Variants in VDAC1 observed in about 807,000 individuals in gnomAD.
VDAC1 encodes non-selective voltage-gated ion channel VDAC1.
In VDAC1, 10 loss-of-function variants were observed where a neutral mutation model predicts 34.7. The ratio of observed to expected loss-of-function variants is 0.29; its 90% CI spans 0.18 to 0.49. VDAC1 has a LOEUF of 0.49. VDAC1 is among the 20% of genes least tolerant of loss of function. VDAC1 has a pLI of 0.99. For missense variants in VDAC1, 230 were observed against 347.9 expected, an observed-to-expected ratio of 0.66 and a Z score of 2.69; for synonymous variants, 130 against 136.0, an observed-to-expected ratio of 0.96 and a Z score of 0.30.
At position 133,993,033 on chromosome 5, in the gene VDAC1, T is replaced by G; in HGVS notation, c.-6-15A>C. ...GCCATCTTCTGCTATGATAAAAGAATCACCAGAATAAATGCATTGATAATT... is the reference window on the plus strand; with the variant it reads ...GCCATCTTCTGCTATGATAAAAGAAGCACCAGAATAAATGCATTGATAATT... On this transcript the variant is annotated splice_polypyrimidine_tract_variant and intron_variant, in intron 1 of 8. Transcript: ENST00000265333. The G allele has an allele frequency of 1.2e-6, 2 of 1,604,754 alleles. No individual in the cohort carries two copies. Among genetic ancestry groups the G allele is most frequent in the Non-Finnish European group, 1.7e-6 (2 of 1,175,778 alleles).
At chr5:133,992,883 A>G (rs1221918332) in intron 2 of VDAC1, 63 bp downstream of exon 2, 1 of 1,519,954 alleles carries the variant, frequency 6.6e-7, no homozygotes, top group Non-Finnish European at 9.0e-7. Context: ...AGTTATCGGT[A>G]AAGTCTCAAA....
chr5:134,089,270 A>C, the VDAC1 span, among the ~76,000 whole-genome samples: 1 of 152,248 alleles, frequency 6.6e-6, no homozygotes, highest in African/African-American at 2.4e-5. Flanking sequence ...ATGACTGATG[A>C]GGACAGTAAT....
At chr5:134,047,730 A>G in the VDAC1 span, among the ~76,000 whole-genome samples, 6 of 152,134 alleles carry the variant, frequency 3.9e-5, no homozygotes, top group African/African-American at 1.4e-4. Context: ...TGTTTGTGCA[A>G]TGTAGAGATG....
chr5:134,109,770 C>CAAAAAGAA, the VDAC1 span, among the ~76,000 whole-genome samples: 1 of 140,280 alleles, frequency 7.1e-6, no homozygotes, highest in African/African-American at 2.8e-5. Context: ...GGCTCCATCT[C>CAAAAAGAA]AAAAAAAAAA....
the VDAC1 span, among the ~76,000 whole-genome samples, chr5:134,023,480 T>TAAAAA: frequency 3.7e-5 from 5 of 135,260 alleles, 1 homozygote; most frequent in Non-Finnish European, 6.3e-5. Flanking sequence ...GAACTTAAAG[T>TAAAAA]AAAAAAAAAA....
the VDAC1 span, among the ~76,000 whole-genome samples, chr5:134,022,308 T>G: frequency 6.6e-6 from 1 of 152,234 alleles, no homozygotes; most frequent in Non-Finnish European, 1.5e-5. Flanking sequence ...CTTCATTCAT[T>G]TTGTCCTGCT....
chr5:133,984,635 C>G (rs1013568303), intron 5 of VDAC1, among the ~76,000 whole-genome samples: 1 of 152,098 alleles, frequency 6.6e-6, no homozygotes, highest in Non-Finnish European at 1.5e-5. Context: ...ATAGACAATC[C>G]CATAAAAGAA....
At chr5:134,000,780 T>C (rs937617921) in intron 1 of VDAC1, among the ~76,000 whole-genome samples, 1 of 152,168 alleles carries the variant, frequency 6.6e-6, no homozygotes, top group African/African-American at 2.4e-5. Context: ...GGCTGGCGCT[T>C]GGTAAGCAGG....
chr5:134,024,976 C>A, the VDAC1 span, among the ~76,000 whole-genome samples: 1 of 152,254 alleles, frequency 6.6e-6, no homozygotes, highest in Non-Finnish European at 1.5e-5. Flanking sequence ...AAGGCAGCCA[C>A]ATGCATGGCC....
rs1374643668 is a variant in VDAC1, at chr5:133,980,710, T to A, written c.551+19A>T. 16 of 437,934 alleles carry A rather than the reference T, an allele frequency of 3.7e-5. No homozygotes were observed. The highest frequency in any genetic ancestry group is 6.1e-5 in the East Asian group (1 of 16,322). 27.1% of individuals were successfully genotyped at this position (437,934 alleles called of 1,614,324 possible). A position where few individuals can be genotyped will look rare whatever the true frequency, so the allele number is the denominator to read the frequency against. On this transcript the variant is annotated intron_variant, in intron 6 of 8. Coordinates refer to ENST00000265333, the MANE Select transcript of VDAC1 (RefSeq NM_003374.3). The stretch of plus-strand genomic sequence containing the variant: ...TCCAACCCCACCCCTCCCACCCTGC[T>A]GCCCCCATGTACACTTACACATTAG...
At chr5:133,990,676 T>TA (rs1327736085) in intron 5 of VDAC1, among the ~76,000 whole-genome samples, 179 bp downstream of exon 5, 4 of 152,132 alleles carry the variant, frequency 2.6e-5, no homozygotes, top group African/African-American at 9.7e-5. Context: ...CATAGTCTGT[T>TA]AGTGCATAGA....
chr5:134,051,222 C>T, the VDAC1 span, among the ~76,000 whole-genome samples: 2 of 152,370 alleles, frequency 1.3e-5, no homozygotes, highest in South Asian at 4.1e-4. Flanking sequence ...CAGGCCCTAA[C>T]TCCAACTCTC....
the VDAC1 span, among the ~76,000 whole-genome samples, chr5:134,079,929 T>C: frequency 6.6e-6 from 1 of 152,248 alleles, no homozygotes; most frequent in African/African-American, 2.4e-5. Flanking sequence ...TTTGAACTTA[T>C]GCAGGTACTG....
chr5:134,068,966 CTG>C, the VDAC1 span, among the ~76,000 whole-genome samples: 14,953 of 136,478 alleles, frequency 0.11, 814 homozygotes, highest in Middle Eastern at 0.14. Flanking sequence ...TGGGAGGTGA[CTG>C]TGTGTGTGTG....
chr5:134,112,078 G>A, the VDAC1 span, among the ~76,000 whole-genome samples: 1 of 152,278 alleles, frequency 6.6e-6, no homozygotes, highest in South Asian at 2.1e-4. Context: ...GACTAGACCA[G>A]GGACTCCTGT....
chr5:133,987,232 G>A (rs996981313), intron 5 of VDAC1, among the ~76,000 whole-genome samples: 2 of 152,062 alleles, frequency 1.3e-5, no homozygotes, highest in African/African-American at 2.4e-5. Context: ...GTGGCAGCAG[G>A]CACCTGTAGT....
the VDAC1 span, among the ~76,000 whole-genome samples, chr5:134,067,193 AG>A: frequency 1.3e-5 from 2 of 151,236 alleles, no homozygotes; most frequent in East Asian, 3.9e-4. Context: ...CTCCTACCTC[AG>A]CCTCCCGAGG....
At chr5:134,033,330 A>T in the VDAC1 span, among the ~76,000 whole-genome samples, 1 of 151,338 alleles carries the variant, frequency 6.6e-6, no homozygotes. Flanking sequence ...GCTAATTTTT[A>T]TATTTTTAAT....
the VDAC1 span, among the ~76,000 whole-genome samples, chr5:134,095,346 G>A: frequency 6.6e-6 from 1 of 151,974 alleles, no homozygotes; most frequent in African/African-American, 2.4e-5. Context: ...AGCTGGGTAT[G>A]GTGGCTCGTG....
Sources: allele counts gnomAD v4.1 joint callset (sites outside exome capture counted in the v4.1 genomes callset), GRCh38; gene constraint gnomAD v4.1.1; transcripts MANE v1.5; gene names NCBI Gene and HGNC (gene_info 2026-07-23, HGNC 2026-07-21).